Variants in RASA3 observed in about 807,000 individuals in gnomAD.
The protein encoded by RASA3 is RAS p21 protein activator 3, also known as ras GTPase-activating protein 3.
RASA3 carries 73 observed loss-of-function variants against 110.0 expected under a neutral mutation model. The observed-to-expected ratio is 0.66, with a 90% CI of 0.55 to 0.81. The LOEUF (loss-of-function observed/expected upper bound fraction) is 0.81. RASA3 is among the 30% of genes least tolerant of loss of function. RASA3 has a pLI of 0.00. For synonymous variants in RASA3, 500 were observed against 451.4 expected (o/e 1.11, Z -1.37); for missense variants, 976 against 1,113.2 (o/e 0.88, Z 1.75).
intron 1 of RASA3, among the ~76,000 whole-genome samples, chr13:114,127,169 T>C (rs1035881024): frequency 2.6e-5 from 4 of 152,312 alleles, no homozygotes; most frequent in African/African-American, 9.6e-5. Context: ...GCCTGCGCGG[T>C]TCACACGCTC....
At chr13:114,090,817 A>T in intron 1 of RASA3, among the ~76,000 whole-genome samples, 1 of 152,204 alleles carries the variant, frequency 6.6e-6, no homozygotes, top group Non-Finnish European at 1.5e-5. Flanking sequence ...TCCTGGAGAA[A>T]ATACAAGAGG....
chr13:114,029,841 G>A lies in RASA3; in HGVS notation c.419C>T (p.Thr140Ile). The change falls in exon 5 of 24, where the codon ACT (threonine) becomes ATT (isoleucine). Residue 140 changes from threonine (T) to isoleucine (I), a missense_variant. Transcript: ENST00000334062. Reference sequence around the variant, plus strand: ...GGCGAGCTTGTGGCAGACGACCCCAGTGTCTGTGATGACCTCGCTCAGCCG... The same window carrying A: ...GGCGAGCTTGTGGCAGACGACCCCAATGTCTGTGATGACCTCGCTCAGCCG... ...ELRLSEVITD[T>I]GVVCHKLATR... is the part of the protein sequence containing the mutation. The A allele has an allele frequency of 1.3e-6, 2 of 1,588,280 alleles. No homozygotes were observed. The highest frequency in any genetic ancestry group is 1.1e-5 in the South Asian group (1 of 87,090).
At chr13:114,071,101 A>C (rs976679956) in intron 2 of RASA3, among the ~76,000 whole-genome samples, 7 of 152,164 alleles carry the variant, frequency 4.6e-5, no homozygotes, top group Non-Finnish European at 1.0e-4. Context: ...TTTCTTTGCT[A>C]TCAGTCTTTT....
intron 7 of RASA3, among the ~76,000 whole-genome samples, chr13:114,026,385 C>A (rs994135086): frequency 1.3e-5 from 2 of 152,254 alleles, no homozygotes; most frequent in African/African-American, 2.4e-5. Flanking sequence ...TCTGGCAAAA[C>A]CATCTTCTCC....
At chr13:114,017,127 C>T (rs1386898967) in intron 12 of RASA3, 110 bp downstream of exon 12, 5 of 989,816 alleles carry the variant, frequency 5.1e-6, no homozygotes, top group Admixed American at 1.8e-5. Flanking sequence ...CCAGAGGGGC[C>T]GACATTCAAG....
chr13:114,027,570 A>G (rs1422853639), intron 6 of RASA3, 109 bp from the exon 7 acceptor site: 1 of 869,954 alleles, frequency 1.1e-6, no homozygotes, highest in Non-Finnish European at 1.8e-6. Context: ...GGCTTTATTT[A>G]TTTTATAAAT....
intron 3 of RASA3, among the ~76,000 whole-genome samples, chr13:114,045,187 TG>T (rs758731579): frequency 6.6e-6 from 1 of 152,180 alleles, no homozygotes; most frequent in African/African-American, 2.4e-5. Context: ...AGAGAATGCC[TG>T]ATCTAAAAGC....
intron 23 of RASA3, 129 bp downstream of exon 23, chr13:113,981,546 G>T: frequency 1.9e-6 from 2 of 1,034,144 alleles, no homozygotes; most frequent in Non-Finnish European, 2.9e-6. Flanking sequence ...GGTGCAAGTG[G>T]GACTCTCCTC....
chr13:113,996,831 G>T, intron 20 of RASA3, 92 bp from the exon 21 acceptor site: 1 of 1,162,744 alleles, frequency 8.6e-7, no homozygotes, highest in Non-Finnish European at 1.3e-6. Flanking sequence ...GTCCTCGCCG[G>T]AGTCGTAAGA....
At chr13:114,022,872 G>T (rs2053954728) in intron 8 of RASA3, among the ~76,000 whole-genome samples, 1 of 152,216 alleles carries the variant, frequency 6.6e-6, no homozygotes, top group Admixed American at 6.5e-5. Flanking sequence ...AGGGGCTGGT[G>T]TGAGTCCCTG....
intron 7 of RASA3, 147 bp downstream of exon 7, chr13:114,027,242 G>A: frequency 1.4e-6 from 1 of 735,812 alleles, no homozygotes; most frequent in Non-Finnish European, 2.2e-6. Flanking sequence ...CTCTCCGGAA[G>A]GAACCCAGGG....
At chr13:114,101,297 A>C (rs1480501990) in intron 1 of RASA3, among the ~76,000 whole-genome samples, 1 of 152,198 alleles carries the variant, frequency 6.6e-6, no homozygotes, top group Non-Finnish European at 1.5e-5. Context: ...TGTGCTAGGA[A>C]GGGGTTCTGC....
At chr13:114,131,676 G>T (rs1028090804) in intron 1 of RASA3, among the ~76,000 whole-genome samples, 1 of 152,208 alleles carries the variant, frequency 6.6e-6, no homozygotes, top group Non-Finnish European at 1.5e-5. Context: ...TCCCCGCCCC[G>T]CGGGAGCCCT....
At chr13:114,121,225 C>A (rs571037371) in intron 1 of RASA3, among the ~76,000 whole-genome samples, 2 of 152,342 alleles carry the variant, frequency 1.3e-5, no homozygotes, top group South Asian at 4.1e-4. Context: ...AGGCCACCCG[C>A]GGGGCATTCG....
At chr13:114,023,214 G>A (rs558633061) in intron 8 of RASA3, among the ~76,000 whole-genome samples, 2 of 152,062 alleles carry the variant, frequency 1.3e-5, no homozygotes, top group Admixed American at 1.3e-4. Context: ...GAAAGCAGGT[G>A]CATCCCAGGC....
intron 3 of RASA3, among the ~76,000 whole-genome samples, chr13:114,051,283 G>A (rs542937615): frequency 2.6e-5 from 4 of 152,322 alleles, no homozygotes; most frequent in East Asian, 1.9e-4. Flanking sequence ...CCGGCCGCCC[G>A]TCCTGGGCGT....
chr13:114,127,166 C>A (rs548648016), intron 1 of RASA3, among the ~76,000 whole-genome samples: 1 of 152,254 alleles, frequency 6.6e-6, no homozygotes, highest in African/African-American at 2.4e-5. Context: ...TGCGCCTGCG[C>A]GGTTCACACG....
chr13:114,087,653 A>C (rs9525254), intron 1 of RASA3, among the ~76,000 whole-genome samples: 60,738 of 152,128 alleles, frequency 0.4, 14,343 homozygotes, highest in Non-Finnish European at 0.53. Context: ...GTCTCAGTGG[A>C]GCTCCTTCCA....
intron 13 of RASA3, 55 bp downstream of exon 13, chr13:114,016,142 G>T: frequency 6.8e-7 from 1 of 1,472,820 alleles, no homozygotes; most frequent in Non-Finnish European, 9.5e-7. Flanking sequence ...GCAGCCATCG[G>T]CTGAAAAACC....
Sources: allele counts gnomAD v4.1 joint callset (sites outside exome capture counted in the v4.1 genomes callset), GRCh38; gene constraint gnomAD v4.1.1; transcripts MANE v1.5; gene names NCBI Gene and HGNC (gene_info 2026-07-23, HGNC 2026-07-21).